OTOGL: variants seen among roughly 807,000 people sequenced by gnomAD.
OTOGL encodes the protein otogelin like.
OTOGL carries 285 observed loss-of-function variants against 318.5 expected under a neutral mutation model. The ratio of observed to expected loss-of-function variants is 0.89; its 90% CI spans 0.81 to 0.99. The LOEUF is 0.99. Ranked by LOEUF, OTOGL falls within the 50% of genes least tolerant of loss-of-function variation. The pLI is 0.00. For synonymous variants in OTOGL, 987 were observed against 936.5 expected (o/e 1.05, Z -0.99); for missense variants, 2,899 against 2,845.6 (o/e 1.02, Z -0.43).
At chr12:80,321,031 G>A (rs1468154177) in intron 34 of OTOGL, among the ~76,000 whole-genome samples, 1 of 152,074 alleles carries the variant, frequency 6.6e-6, no homozygotes, top group Non-Finnish European at 1.5e-5. Flanking sequence ...TCACTCATGT[G>A]GCTTAGTTGT....
chr12:80,345,276 G>A (rs2137965585), intron 44 of OTOGL, among the ~76,000 whole-genome samples: 1 of 143,750 alleles, frequency 7.0e-6, no homozygotes, highest in Admixed American at 7.0e-5. Flanking sequence ...TCCAGGCACT[G>A]ATGTCATCCA....
intron 4 of OTOGL, among the ~76,000 whole-genome samples, chr12:80,212,827 A>G (rs765364744): frequency 6.6e-6 from 1 of 152,180 alleles, no homozygotes; most frequent in Non-Finnish European, 1.5e-5. Context: ...GATAATTAGT[A>G]GTTAAATAGA....
intron 13 of OTOGL, among the ~76,000 whole-genome samples, chr12:80,252,804 C>T (rs1449344075): frequency 1.3e-5 from 2 of 152,156 alleles, no homozygotes; most frequent in Non-Finnish European, 2.9e-5. Flanking sequence ...GCTCATTGTT[C>T]TGTTAGTGCT....
At chr12:80,249,259 A>C (rs1483044445) in intron 11 of OTOGL, among the ~76,000 whole-genome samples, 1 of 150,506 alleles carries the variant, frequency 6.6e-6, no homozygotes, top group East Asian at 1.9e-4. Context: ...TAGAGTTTCC[A>C]GTTTTTCTGT....
intron 1 of OTOGL, among the ~76,000 whole-genome samples, chr12:80,169,771 A>G (rs996175712): frequency 1.3e-5 from 2 of 152,180 alleles, no homozygotes; most frequent in African/African-American, 4.8e-5. Flanking sequence ...ATGCAATCAT[A>G]CAGTATGTAA....
chr12:80,266,755 T>C (rs1883010472), intron 21 of OTOGL, 139 bp downstream of exon 21: 3 of 869,522 alleles, frequency 3.5e-6, no homozygotes, highest in Admixed American at 6.0e-5. Flanking sequence ...CCTGCAAATG[T>C]TCATCAACAG....
At chr12:80,324,957 A>G (rs1201105903) in intron 35 of OTOGL, among the ~76,000 whole-genome samples, 1 of 152,198 alleles carries the variant, frequency 6.6e-6, no homozygotes, top group African/African-American at 2.4e-5. Flanking sequence ...GGAGTTTGAT[A>G]TGGAAAATTG....
At chr12:80,266,674 G>A in intron 21 of OTOGL, 58 bp downstream of exon 21, 1 of 1,461,122 alleles carries the variant, frequency 6.8e-7, no homozygotes, top group Non-Finnish European at 9.3e-7. Context: ...CTCCTTACGG[G>A]CTAAATGAGC....
At chr12:80,283,684 A>G (rs944473343) in intron 26 of OTOGL, among the ~76,000 whole-genome samples, 2 of 152,046 alleles carry the variant, frequency 1.3e-5, no homozygotes, top group African/African-American at 4.8e-5. Context: ...AAGCTTAAAC[A>G]TGAATTTTTA....
intron 25 of OTOGL, among the ~76,000 whole-genome samples, 164 bp downstream of exon 25, chr12:80,278,439 G>A (rs1001563246): frequency 6.6e-6 from 1 of 151,424 alleles, no homozygotes; most frequent in African/African-American, 2.4e-5. Context: ...ATCTGCAGGG[G>A]ACTATATCAT....
At chr12:80,328,273 C>T (rs550683161) in intron 35 of OTOGL, among the ~76,000 whole-genome samples, 11 of 151,992 alleles carry the variant, frequency 7.2e-5, no homozygotes, top group South Asian at 2.1e-4. Context: ...GAACCAAGGT[C>T]GCGTCACTAC....
intron 1 of OTOGL, among the ~76,000 whole-genome samples, chr12:80,100,289 A>G (rs143954088): frequency 2.6e-5 from 4 of 152,288 alleles, no homozygotes; most frequent in African/African-American, 9.6e-5. Flanking sequence ...ATTGTTAACT[A>G]TGGTTGCCCT....
chr12:80,287,444 A>G (rs1884719040), intron 26 of OTOGL, among the ~76,000 whole-genome samples: 1 of 150,564 alleles, frequency 6.6e-6, no homozygotes, highest in Non-Finnish European at 1.5e-5. Context: ...TCCAGTCCTG[A>G]ATATCCTTGT....
At chr12:80,338,570 T>C (rs1052173651) in intron 42 of OTOGL, among the ~76,000 whole-genome samples, 2 of 152,042 alleles carry the variant, frequency 1.3e-5, no homozygotes, top group African/African-American at 4.8e-5. Context: ...TAGTACATGC[T>C]AAAAATACAG....
At chr12:80,365,007 C>T (rs74601451) in intron 52 of OTOGL, among the ~76,000 whole-genome samples, 3,090 of 152,082 alleles carry the variant, frequency 0.02, 114 homozygotes, top group African/African-American at 0.071. Flanking sequence ...AAAAATAACA[C>T]ATTTACAAGG....
chr12:80,373,171 A>G (rs937408447), intron 57 of OTOGL, among the ~76,000 whole-genome samples: 5 of 152,086 alleles, frequency 3.3e-5, no homozygotes, highest in African/African-American at 1.2e-4. Context: ...TAATAATACC[A>G]TGCTGTAATC....
intron 57 of OTOGL, among the ~76,000 whole-genome samples, chr12:80,375,348 T>C (rs572311622): frequency 2.3e-4 from 35 of 152,218 alleles, no homozygotes; most frequent in Non-Finnish European, 4.4e-4. Flanking sequence ...GGGTTTTTAC[T>C]GGGTGCCTAC....
intron 1 of OTOGL, among the ~76,000 whole-genome samples, chr12:80,185,904 A>G (rs1875255072): frequency 6.6e-6 from 1 of 152,222 alleles, no homozygotes. Context: ...ATAAGATACA[A>G]ATATAAAAAT....
At chr12:80,165,858 C>T (rs1245949352) in intron 1 of OTOGL, among the ~76,000 whole-genome samples, 2 of 152,184 alleles carry the variant, frequency 1.3e-5, no homozygotes, top group Non-Finnish European at 2.9e-5. Flanking sequence ...TTCCCTTAAT[C>T]CCATCCATAC....
Sources: allele counts gnomAD v4.1 joint callset (sites outside exome capture counted in the v4.1 genomes callset), GRCh38; gene constraint gnomAD v4.1.1; transcripts MANE v1.5; gene names NCBI Gene and HGNC (gene_info 2026-07-23, HGNC 2026-07-21).